PARN: variants seen among roughly 807,000 people sequenced by gnomAD.
PARN encodes poly(A)-specific ribonuclease PARN.
In PARN, 71 loss-of-function variants were observed where a neutral mutation model predicts 102.8. That is an observed-to-expected ratio of 0.69 (90% CI 0.57 to 0.84). PARN has a LOEUF of 0.84. PARN is among the 40% of genes least tolerant of loss of function. The pLI is 0.00. For missense variants in PARN, 782 were observed against 760.9 expected (o/e 1.03, Z -0.33); for synonymous variants, 261 against 252.9 (o/e 1.03, Z -0.30).
At chr16:14,604,491 C>T (rs1233678976) in intron 10 of PARN, among the ~76,000 whole-genome samples, 1 of 152,100 alleles carries the variant, frequency 6.6e-6, no homozygotes, top group Admixed American at 6.5e-5. Context: ...AAACTCCCCA[C>T]CTCAGGTGAT....
At chr16:14,488,041 G>T (rs952365114) in intron 21 of PARN, among the ~76,000 whole-genome samples, 1 of 152,188 alleles carries the variant, frequency 6.6e-6, no homozygotes, top group Admixed American at 6.5e-5. Flanking sequence ...TATAGGAATT[G>T]AGACAGTGGA....
intron 13 of PARN, among the ~76,000 whole-genome samples, chr16:14,590,859 A>T (rs1970155558): frequency 6.6e-6 from 1 of 152,166 alleles, no homozygotes; most frequent in South Asian, 2.1e-4. Context: ...CTGACGGAAC[A>T]ATGGGACCTA....
rs187069513 is a variant in PARN at position 14,617,339 on chromosome 16, A to G, written c.388+251T>C. Among the ~76,000 whole-genome samples, 116 of 147,678 alleles carry G rather than the reference A, an allele frequency of 7.9e-4. 2 individuals are homozygous for G. In the East Asian group the frequency reaches 0.021, roughly 27 times the overall value. ...GCAGAGCTTGCAGTGAGCCGAGATC[A>G]CACCACTGCACTCCAGCCTGGGCAA... On this transcript the variant is annotated intron_variant, in intron 6 of 23. Transcript: ENST00000437198.
chr16:14,559,238 A>C (rs1360137694), intron 18 of PARN, among the ~76,000 whole-genome samples: 1 of 150,580 alleles, frequency 6.6e-6, no homozygotes. Flanking sequence ...TTTTTTTTTT[A>C]TTTCTTTATT....
intron 21 of PARN, among the ~76,000 whole-genome samples, chr16:14,500,216 C>T (rs1193148696): frequency 3.3e-5 from 5 of 151,924 alleles, no homozygotes; most frequent in African/African-American, 4.8e-5. Context: ...CCACCATGTC[C>T]GGGTAATTTA....
At chr16:14,585,025 C>T (rs1036643434) in intron 14 of PARN, among the ~76,000 whole-genome samples, 1 of 152,216 alleles carries the variant, frequency 6.6e-6, no homozygotes, top group South Asian at 2.1e-4. Flanking sequence ...CCATCATCAG[C>T]GACTTCATTG....
At chr16:14,526,440 G>A (rs1966011442) in intron 21 of PARN, among the ~76,000 whole-genome samples, 1 of 152,026 alleles carries the variant, frequency 6.6e-6, no homozygotes, top group Non-Finnish European at 1.5e-5. Context: ...GCCTCCCAAA[G>A]TGCTGGGATT....
chr16:14,467,755 C>A (rs1366049037), intron 22 of PARN, among the ~76,000 whole-genome samples: 2 of 152,148 alleles, frequency 1.3e-5, no homozygotes, highest in African/African-American at 4.8e-5. Context: ...GATTATGGTG[C>A]AATTATCAAA....
rs150764987 is a variant in PARN, at chr16:14,470,433, G to GGAT, written c.1670+12202_1670+12204dup. ...AAAAACTATAGAAATCTTAGAGTTT[G>GGAT]GATGATTATTATTATTATTATTATT... On this transcript the variant is annotated intron_variant, in intron 22 of 23. Coordinates refer to ENST00000437198, the MANE Select transcript of PARN (RefSeq NM_002582.4). Among the ~76,000 whole-genome samples the GGAT allele has an allele frequency of 3.6e-3, 452 of 124,006 alleles. 3 individuals carry two copies. Among genetic ancestry groups the GGAT allele is most frequent in the African/African-American group, 0.011 (305 of 26,796 alleles). The allele number at this position is 124,006 out of a possible 152,430, so 81.4% of individuals were successfully genotyped here. A position where few individuals can be genotyped will look rare whatever the true frequency, so the allele number is the denominator to read the frequency against.
At chr16:14,616,367 T>C (rs902387482) in intron 6 of PARN, among the ~76,000 whole-genome samples, 1 of 152,228 alleles carries the variant, frequency 6.6e-6, no homozygotes, top group African/African-American at 2.4e-5. Flanking sequence ...GCCATCACTC[T>C]AGCAAGTTAG....
At chr16:14,505,672 G>GT (rs1307424601) in intron 21 of PARN, among the ~76,000 whole-genome samples, 1 of 152,032 alleles carries the variant, frequency 6.6e-6, no homozygotes, top group Non-Finnish European at 1.5e-5. Context: ...ATAACCAATG[G>GT]TTCATTAAAT....
chr16:14,513,186 A>G (rs1328310817), intron 21 of PARN, among the ~76,000 whole-genome samples: 1 of 152,166 alleles, frequency 6.6e-6, no homozygotes, highest in Non-Finnish European at 1.5e-5. Context: ...CGGCCTCCCA[A>G]AGTGCTGGGA....
chr16:14,612,419 G>C (rs953010136), intron 6 of PARN, among the ~76,000 whole-genome samples: 2 of 151,640 alleles, frequency 1.3e-5, no homozygotes, highest in South Asian at 2.1e-4. Context: ...CCTGGCGACG[G>C]TGTGACACTG....
At chr16:14,455,613 A>G (rs1961643882) in intron 22 of PARN, among the ~76,000 whole-genome samples, 1 of 152,254 alleles carries the variant, frequency 6.6e-6, no homozygotes, top group African/African-American at 2.4e-5. Context: ...GGCTGCTGCC[A>G]AAACTTACAT....
intron 23 of PARN, among the ~76,000 whole-genome samples, chr16:14,438,196 CA>C (rs1392455799): frequency 6.6e-6 from 1 of 152,068 alleles, no homozygotes; most frequent in Non-Finnish European, 1.5e-5. Flanking sequence ...CCCAGTCCCA[CA>C]ATGATACAAT....
intron 18 of PARN, among the ~76,000 whole-genome samples, chr16:14,564,123 G>A (rs1396845913): frequency 2.0e-5 from 3 of 152,070 alleles, no homozygotes; most frequent in Non-Finnish European, 4.4e-5. Context: ...CTTTTAACCT[G>A]AGCTGTCTCC....
At chr16:14,495,390 GC>G (rs1351168369) in intron 21 of PARN, among the ~76,000 whole-genome samples, 9 of 152,144 alleles carry the variant, frequency 5.9e-5, no homozygotes, top group Non-Finnish European at 1.3e-4. Flanking sequence ...AGGATCGTGA[GC>G]CCAGGAGTTT....
At chr16:14,499,576 GTCATTAAA>G (rs2151622572) in intron 21 of PARN, among the ~76,000 whole-genome samples, 1 of 152,306 alleles carries the variant, frequency 6.6e-6, no homozygotes, top group East Asian at 1.9e-4. Flanking sequence ...CCAGACTCAA[GTCATTAAA>G]TCTCTAAATT....
At chr16:14,454,816 T>C (rs1027267842) in intron 22 of PARN, among the ~76,000 whole-genome samples, 2 of 152,232 alleles carry the variant, frequency 1.3e-5, no homozygotes, top group African/African-American at 4.8e-5. Context: ...TTGTGTTACA[T>C]GTTGTTGAAT....
Sources: allele counts gnomAD v4.1 joint callset (sites outside exome capture counted in the v4.1 genomes callset), GRCh38; gene constraint gnomAD v4.1.1; transcripts MANE v1.5; gene names NCBI Gene and HGNC (gene_info 2026-07-23, HGNC 2026-07-21).